CSNK1G3: variants seen among roughly 807,000 people sequenced by gnomAD.
CSNK1G3 encodes casein kinase I isoform gamma-3.
CSNK1G3 carries 23 observed loss-of-function variants against 64.3 expected under a neutral mutation model. The ratio of observed to expected loss-of-function variants is 0.36; its 90% CI spans 0.26 to 0.51. The LOEUF (loss-of-function observed/expected upper bound fraction) is 0.51. Ranked by LOEUF, CSNK1G3 falls within the 20% of genes least tolerant of loss-of-function variation. The pLI is 0.96. For synonymous variants in CSNK1G3, 158 were observed against 162.2 expected (o/e 0.97, Z 0.20); for missense variants, 357 against 510.5 (o/e 0.70, Z 2.90).
At chr5:123,515,290 G>A (rs1175886261) in intron 1 of CSNK1G3, among the ~76,000 whole-genome samples, 2 of 152,140 alleles carry the variant, frequency 1.3e-5, no homozygotes, top group African/African-American at 4.8e-5. Flanking sequence ...AATGGAACAA[G>A]CGGTTGTTTT....
At chr5:123,605,458 C>T (rs983542117) in intron 12 of CSNK1G3, 96 bp downstream of exon 13, 16 of 1,260,832 alleles carry the variant, frequency 1.3e-5, no homozygotes. Flanking sequence ...AAACTCTCAA[C>T]ACAGTGATTA....
At position 123,554,618 on chromosome 5, in the gene CSNK1G3, T is replaced by C. The variant is rs371728096; in HGVS notation, c.219+1471T>C. On this transcript the variant is annotated intron_variant, in intron 3 of 12. Coordinates refer to ENST00000345990, the Ensembl canonical transcript of CSNK1G3. Reference sequence around the variant, plus strand: ...CTGGGATTACAGGCGTGAGCCACTGTGCCCAGCCTGGACGTTGTTTGAACA... The same window carrying C: ...CTGGGATTACAGGCGTGAGCCACTGCGCCCAGCCTGGACGTTGTTTGAACA... 2.6e-5 allele frequency among the ~76,000 whole-genome samples: 4 copies of C among 152,340 alleles called. No individual in the cohort carries two copies. In the South Asian group the frequency reaches 8.3e-4, roughly 32 times the overall value.
At chr5:123,570,045 C>T (rs1172545124) in intron 4 of CSNK1G3, among the ~76,000 whole-genome samples, 1 of 152,048 alleles carries the variant, frequency 6.6e-6, no homozygotes, top group East Asian at 1.9e-4. Flanking sequence ...CTTTGTATTC[C>T]TGGATTAAAA....
chr5:123,552,513 A>ATCTTGTTTTAGCTCAAATATCTTG (rs1783886509), intron 2 of CSNK1G3, among the ~76,000 whole-genome samples: 1 of 152,180 alleles, frequency 6.6e-6, no homozygotes, highest in African/African-American at 2.4e-5. Context: ...TTTTTAGCTT[A>ATCTTGTTTTAGCTCAAATATCTTG]TATTTAACTC....
intron 6 of CSNK1G3, among the ~76,000 whole-genome samples, chr5:123,584,168 T>C (rs942709888): frequency 8.5e-5 from 13 of 152,244 alleles, no homozygotes; most frequent in Non-Finnish European, 1.8e-4. Context: ...TAATTTTGTT[T>C]CTTTGCTTCT....
At chr5:123,558,714 CAG>C (rs1785099131) in intron 4 of CSNK1G3, among the ~76,000 whole-genome samples, 1 of 152,136 alleles carries the variant, frequency 6.6e-6, no homozygotes, top group South Asian at 2.1e-4. Flanking sequence ...AGACAGGCCT[CAG>C]GGAGTTATCA....
intron 12 of CSNK1G3, among the ~76,000 whole-genome samples, chr5:123,614,049 G>A (rs949903439): frequency 1.3e-5 from 2 of 152,146 alleles, no homozygotes; most frequent in African/African-American, 4.8e-5. Context: ...GGGAGAAAGG[G>A]TGAGAATGCA....
intron 3 of CSNK1G3, among the ~76,000 whole-genome samples, chr5:123,557,243 G>T (rs1043989709): frequency 2.6e-5 from 4 of 151,984 alleles, no homozygotes; most frequent in African/African-American, 4.8e-5. Flanking sequence ...TTTTTCTCAG[G>T]GTCAAAGAGT....
intron 3 of CSNK1G3, among the ~76,000 whole-genome samples, chr5:123,555,742 TG>T (rs1784498640): frequency 6.6e-6 from 1 of 152,134 alleles, no homozygotes; most frequent in Admixed American, 6.6e-5. Flanking sequence ...GCTTAAGTAC[TG>T]GAATCTAGTT....
chr5:123,529,884 A>G (rs1779652075), intron 1 of CSNK1G3, among the ~76,000 whole-genome samples: 1 of 152,044 alleles, frequency 6.6e-6, no homozygotes, highest in African/African-American at 2.4e-5. Flanking sequence ...TCATACTTAC[A>G]TGAGCACTTT....
chr5:123,572,413 T>C (rs928359900), intron 4 of CSNK1G3, among the ~76,000 whole-genome samples: 8 of 152,244 alleles, frequency 5.3e-5, no homozygotes, highest in Admixed American at 2.0e-4. Flanking sequence ...TATTATTCTA[T>C]ATAGCTTCAT....
chr5:123,561,005 A>G (rs1785588665), intron 4 of CSNK1G3, among the ~76,000 whole-genome samples: 1 of 152,218 alleles, frequency 6.6e-6, no homozygotes, highest in South Asian at 2.1e-4. Flanking sequence ...TAAATTGGAA[A>G]ATAGATTTAT....
At chr5:123,534,338 A>G (rs994982248) in intron 1 of CSNK1G3, among the ~76,000 whole-genome samples, 6 of 152,044 alleles carry the variant, frequency 3.9e-5, no homozygotes, top group East Asian at 1.9e-4. Flanking sequence ...GTTTAATTCT[A>G]TGTTCTTTAT....
chr5:123,558,075 A>G (rs1371519148), intron 4 of CSNK1G3, among the ~76,000 whole-genome samples: 1 of 152,180 alleles, frequency 6.6e-6, no homozygotes, highest in East Asian at 1.9e-4. Flanking sequence ...TGTGGAGCAG[A>G]GTGGAGAGAA....
chr5:123,522,836 C>A (rs944085427), intron 1 of CSNK1G3, among the ~76,000 whole-genome samples: 1 of 152,100 alleles, frequency 6.6e-6, no homozygotes, highest in Non-Finnish European at 1.5e-5. Flanking sequence ...CCCCTATATT[C>A]ATTGCTCATT....
chr5:123,584,255 A>G (rs1294529812), intron 6 of CSNK1G3, among the ~76,000 whole-genome samples: 2 of 152,194 alleles, frequency 1.3e-5, no homozygotes, highest in Admixed American at 1.3e-4. Context: ...TCTTGATCTT[A>G]GGAGTGTCTT....
At chr5:123,528,691 T>C (rs1779447389) in intron 1 of CSNK1G3, among the ~76,000 whole-genome samples, 1 of 152,214 alleles carries the variant, frequency 6.6e-6, no homozygotes, top group Admixed American at 6.5e-5. Context: ...GTCCATTAAT[T>C]TACTAAGAGT....
chr5:123,534,397 G>A (rs954185213), intron 1 of CSNK1G3, among the ~76,000 whole-genome samples: 12 of 152,080 alleles, frequency 7.9e-5, no homozygotes, highest in African/African-American at 2.9e-4. Context: ...AGACCTGGGA[G>A]AATTGGTGTG....
At chr5:123,558,408 T>G (rs775115661) in intron 4 of CSNK1G3, among the ~76,000 whole-genome samples, 1 of 152,208 alleles carries the variant, frequency 6.6e-6, no homozygotes, top group Non-Finnish European at 1.5e-5. Context: ...TTCTGTATAC[T>G]TCTATTCAAT....
Sources: allele counts gnomAD v4.1 joint callset (sites outside exome capture counted in the v4.1 genomes callset), GRCh38; gene constraint gnomAD v4.1.1; transcripts MANE v1.5; gene names NCBI Gene and HGNC (gene_info 2026-07-23, HGNC 2026-07-21).